The following UBASH3B variants were observed in gnomAD, a reference collection of about 807,000 sequenced individuals.
UBASH3B encodes ubiquitin-associated and SH3 domain-containing protein B.
A neutral mutation model predicts 83.4 loss-of-function variants in UBASH3B; 37 were observed. The observed-to-expected ratio is 0.44, with a 90% CI of 0.34 to 0.58. The LOEUF (loss-of-function observed/expected upper bound fraction) is 0.58, where lower values mean the gene tolerates loss of function less well. Ranked by LOEUF, UBASH3B falls within the 20% of genes least tolerant of loss-of-function variation. The pLI is 0.01. For missense variants in UBASH3B, 657 were observed against 827.2 expected (o/e 0.79, Z 2.52); for synonymous variants, 304 against 318.3 (o/e 0.96, Z 0.48).
intron 1 of UBASH3B, among the ~76,000 whole-genome samples, chr11:122,678,144 G>A (rs900646647): frequency 2.4e-4 from 37 of 152,102 alleles, no homozygotes; most frequent in Non-Finnish European, 4.7e-4. Context: ...CCTCCCAAAG[G>A]CCCCATCTTC....
At chr11:122,799,612 A>G (rs994521748) in intron 10 of UBASH3B, among the ~76,000 whole-genome samples, 1 of 152,198 alleles carries the variant, frequency 6.6e-6, no homozygotes, top group African/African-American at 2.4e-5. Context: ...GAACTTACAG[A>G]GTGTGATCCT....
At chr11:122,731,012 A>G (rs1209096846) in intron 1 of UBASH3B, among the ~76,000 whole-genome samples, 1 of 152,156 alleles carries the variant, frequency 6.6e-6, no homozygotes, top group African/African-American at 2.4e-5. Flanking sequence ...TGCAATCCCC[A>G]TAGTCTCTAC....
chr11:122,664,759 T>C (rs1863491568), intron 1 of UBASH3B, among the ~76,000 whole-genome samples: 1 of 152,240 alleles, frequency 6.6e-6, no homozygotes. Context: ...CCAGAAACTG[T>C]CTGAGCTCTT....
intron 1 of UBASH3B, among the ~76,000 whole-genome samples, chr11:122,741,828 C>T (rs1236756465): frequency 6.6e-6 from 1 of 152,156 alleles, no homozygotes; most frequent in Non-Finnish European, 1.5e-5. Context: ...CCCACGGGTT[C>T]TGCTTCCTGG....
At chr11:122,658,642 G>A (rs905942412) in intron 1 of UBASH3B, among the ~76,000 whole-genome samples, 1 of 152,234 alleles carries the variant, frequency 6.6e-6, no homozygotes, top group African/African-American at 2.4e-5. Context: ...GGTCACAACA[G>A]TAAGCAGTGA....
chr11:122,801,139 T>G, intron 10 of UBASH3B, 49 bp from the exon 11 acceptor site: 2 of 1,601,332 alleles, frequency 1.2e-6, no homozygotes, highest in Non-Finnish European at 1.7e-6. Flanking sequence ...CAACTTGGCC[T>G]GAGAATCCAC....
chr11:122,778,134 T>C (rs1860774695), intron 3 of UBASH3B, among the ~76,000 whole-genome samples: 1 of 133,460 alleles, frequency 7.5e-6, no homozygotes, highest in Non-Finnish European at 1.8e-5. Flanking sequence ...CTCCATATAT[T>C]CAAGACCAAA....
intron 1 of UBASH3B, among the ~76,000 whole-genome samples, chr11:122,723,376 A>G (rs1860676149): frequency 1.3e-5 from 2 of 152,238 alleles, no homozygotes; most frequent in African/African-American, 4.8e-5. Context: ...CCAAGTCTCC[A>G]GCCTAAAGCC....
chr11:122,683,406 G>A (rs972621340), intron 1 of UBASH3B, among the ~76,000 whole-genome samples: 1 of 151,994 alleles, frequency 6.6e-6, no homozygotes, highest in Non-Finnish European at 1.5e-5. Context: ...CTTGAGGTCA[G>A]GAGTTGGAGA....
intron 1 of UBASH3B, among the ~76,000 whole-genome samples, chr11:122,771,778 C>CTAAAATAATAATA (rs1860649463): frequency 6.6e-6 from 1 of 151,314 alleles, no homozygotes; most frequent in African/African-American, 2.4e-5. Context: ...CACACACACA[C>CTAAAATAATAATA]ACACACACAC....
At chr11:122,809,307 T>C (rs1861397578) in intron 13 of UBASH3B, among the ~76,000 whole-genome samples, 1 of 152,222 alleles carries the variant, frequency 6.6e-6, no homozygotes, top group Admixed American at 6.5e-5. Context: ...ACTCTTGACC[T>C]CAAGTGACCC....
intron 1 of UBASH3B, among the ~76,000 whole-genome samples, chr11:122,720,176 T>C (rs1470091970): frequency 1.3e-5 from 2 of 152,192 alleles, no homozygotes; most frequent in Non-Finnish European, 2.9e-5. Flanking sequence ...ACTCAGCATC[T>C]CCTATGGATG....
At chr11:122,738,686 C>T (rs1314460098) in intron 1 of UBASH3B, among the ~76,000 whole-genome samples, 1 of 152,032 alleles carries the variant, frequency 6.6e-6, no homozygotes, top group African/African-American at 2.4e-5. Context: ...GTCAGGAGTT[C>T]GAGACCAGCC....
rs778639713 is a variant in UBASH3B, at chr11:122,810,178, A to G, written c.*292A>G. 3.4e-6 allele frequency: 1 copy of G among 295,498 alleles called. No individual in the cohort carries two copies. Among genetic ancestry groups the G allele is most frequent in the Non-Finnish European group, 6.3e-6 (1 of 157,944 alleles). The allele number at this position is 295,498 out of a possible 1,614,324, so 18.3% of individuals were successfully genotyped here. A position where few individuals can be genotyped will look rare whatever the true frequency, so the allele number is the denominator to read the frequency against. On this transcript the variant is annotated 3_prime_UTR_variant, in exon 14 of 14. Coordinates refer to ENST00000284273, the MANE Select transcript of UBASH3B (RefSeq NM_032873.5). ...AGAGAATGTTTCGTTCCCTCTGGGT[A>G]TGCACAGCTAAGGGGCCTCATTTCT... is the stretch of plus-strand genomic sequence containing the variant.
In UBASH3B at chr11:122,809,984, C is replaced by G; in HGVS notation, c.*98C>G. On this transcript the variant is annotated 3_prime_UTR_variant, in exon 14 of 14. Transcript: ENST00000284273. ...TCCACACCACACTCTAAGTGGACAG[C>G]TCAGAATAATTTAGCATATTTCCTT... 1 of 1,405,306 alleles carries G rather than the reference C, an allele frequency of 7.1e-7. No homozygotes were observed. Among genetic ancestry groups the G allele is most frequent in the Non-Finnish European group, 9.7e-7 (1 of 1,031,498 alleles). The allele number at this position is 1,405,306 out of a possible 1,614,324, so 87.1% of individuals were successfully genotyped here.
At chr11:122,741,254 A>C (rs923976075) in intron 1 of UBASH3B, among the ~76,000 whole-genome samples, 1 of 152,230 alleles carries the variant, frequency 6.6e-6, no homozygotes, top group Non-Finnish European at 1.5e-5. Context: ...GAATATTTTC[A>C]TGTTCGGCTC....
At chr11:122,776,915 C>T (rs1162756755) in intron 2 of UBASH3B, 109 bp from the exon 3 acceptor site, 16 of 1,046,298 alleles carry the variant, frequency 1.5e-5, no homozygotes, top group Admixed American at 7.8e-5. Flanking sequence ...CCCTTCCCCG[C>T]GCTGTGCCGG....
chr11:122,801,390 C>G (rs1861256900), intron 11 of UBASH3B, 58 bp downstream of exon 11: 4 of 1,590,128 alleles, frequency 2.5e-6, no homozygotes, highest in Admixed American at 3.4e-5. Context: ...TCTGCACTAG[C>G]ACTAGGCCAG....
chr11:122,754,728 C>G (rs1422397497), intron 1 of UBASH3B, among the ~76,000 whole-genome samples: 1 of 152,206 alleles, frequency 6.6e-6, no homozygotes, highest in East Asian at 1.9e-4. Context: ...CCAACTTCCT[C>G]CCTCTGGTGG....
Sources: allele counts gnomAD v4.1 joint callset (sites outside exome capture counted in the v4.1 genomes callset), GRCh38; gene constraint gnomAD v4.1.1; transcripts MANE v1.5; gene names NCBI Gene and HGNC (gene_info 2026-07-23, HGNC 2026-07-21).